The following PPP2R5E variants were observed in gnomAD, a reference collection of about 807,000 sequenced individuals.
The protein encoded by PPP2R5E is serine/threonine-protein phosphatase 2A 56 kDa regulatory subunit epsilon isoform.
In PPP2R5E, 4 loss-of-function variants were observed where a neutral mutation model predicts 65.3. That is an observed-to-expected ratio of 0.06 (90% CI 0.03 to 0.14). PPP2R5E has a LOEUF of 0.14. Among genes scored for constraint, PPP2R5E ranks in the 10% least tolerant of loss-of-function variants. The pLI, the probability that PPP2R5E is intolerant of heterozygous loss-of-function variation, is 1.00. For synonymous variants in PPP2R5E, 183 were observed against 187.4 expected, an observed-to-expected ratio of 0.98 and a Z score of 0.19; for missense variants, 274 against 556.1, an observed-to-expected ratio of 0.49 and a Z score of 5.10.
At chr14:63,496,646 GTTTAA>G (rs1438702537) in intron 2 of PPP2R5E, among the ~76,000 whole-genome samples, 31 of 152,032 alleles carry the variant, frequency 2.0e-4, no homozygotes, top group Non-Finnish European at 3.7e-4. Flanking sequence ...GTAATTTATA[GTTTAA>G]TTTAGCAGAA....
intron 2 of PPP2R5E, among the ~76,000 whole-genome samples, chr14:63,459,091 C>T (rs1246725766): frequency 6.6e-6 from 1 of 152,164 alleles, no homozygotes; most frequent in Non-Finnish European, 1.5e-5. Flanking sequence ...ATTTTACTTG[C>T]ATAAGACATA....
intron 5 of PPP2R5E, among the ~76,000 whole-genome samples, chr14:63,404,648 T>G (rs17824943): frequency 0.013 from 2,001 of 152,268 alleles, 68 homozygotes; most frequent in East Asian, 0.12. Flanking sequence ...ACTCCAAGAC[T>G]CCTATGGAAA....
At chr14:63,438,357 T>C (rs1348015333) in intron 3 of PPP2R5E, among the ~76,000 whole-genome samples, 4 of 152,228 alleles carry the variant, frequency 2.6e-5, no homozygotes, top group Admixed American at 6.5e-5. Context: ...GCTGGGATTA[T>C]CCAAGACCCA....
intron 5 of PPP2R5E, among the ~76,000 whole-genome samples, chr14:63,406,462 T>A (rs931617960): frequency 6.6e-6 from 1 of 151,812 alleles, no homozygotes; most frequent in Non-Finnish European, 1.5e-5. Context: ...TGTCTGGCTC[T>A]ACCAAAATAT....
intron 5 of PPP2R5E, among the ~76,000 whole-genome samples, chr14:63,403,956 G>GA (rs753082842): frequency 2.6e-5 from 4 of 152,126 alleles, no homozygotes; most frequent in Non-Finnish European, 4.4e-5. Context: ...CTTACAGTAG[G>GA]AAGTCAATAG....
chr14:63,460,023 C>T (rs567755111), intron 2 of PPP2R5E, among the ~76,000 whole-genome samples: 2 of 152,216 alleles, frequency 1.3e-5, no homozygotes, highest in South Asian at 4.1e-4. Context: ...TTAGCATACA[C>T]GTTTTTTAAA....
chr14:63,449,450 T>C (rs1256085412), intron 3 of PPP2R5E, among the ~76,000 whole-genome samples: 1 of 152,174 alleles, frequency 6.6e-6, no homozygotes, highest in Non-Finnish European at 1.5e-5. Flanking sequence ...ATAAATATTG[T>C]CGCTAGTCCT....
intron 13 of PPP2R5E, among the ~76,000 whole-genome samples, chr14:63,376,989 CG>C (rs1315477225): frequency 6.6e-6 from 1 of 151,782 alleles, no homozygotes; most frequent in African/African-American, 2.4e-5. Flanking sequence ...AAAAATTAGC[CG>C]GGCATGGTGG....
At chr14:63,421,520 G>A (rs979916235) in intron 4 of PPP2R5E, among the ~76,000 whole-genome samples, 3 of 152,146 alleles carry the variant, frequency 2.0e-5, no homozygotes, top group Non-Finnish European at 2.9e-5. Flanking sequence ...CTTCCTTACA[G>A]TACTGTGAAC....
At chr14:63,470,073 C>A (rs1429809712) in intron 2 of PPP2R5E, among the ~76,000 whole-genome samples, 5 of 74,074 alleles carry the variant, frequency 6.8e-5, no homozygotes, top group South Asian at 6.6e-4. Context: ...TACCTCCCCA[C>A]ACCCCCCACT....
At chr14:63,392,101 T>G in intron 8 of PPP2R5E, 76 bp from the exon 9 acceptor site, 2 of 1,142,892 alleles carry the variant, frequency 1.7e-6, no homozygotes, top group Non-Finnish European at 2.5e-6. Context: ...CTATTAAAAC[T>G]TCCTAAAAGG....
chr14:63,375,749 ATTTT>A lies in PPP2R5E; in HGVS notation c.*256_*259del, dbSNP rs34338079. 1 of 244,362 alleles carries A rather than the reference ATTTT, an allele frequency of 4.1e-6. No homozygotes were observed. Among genetic ancestry groups the A allele is most frequent in the African/African-American group, 2.3e-5 (1 of 44,142 alleles). The allele number at this position is 244,362 out of a possible 1,614,324, so 15.1% of individuals were successfully genotyped here. On this transcript the variant is annotated 3_prime_UTR_variant, in exon 14 of 14. Transcript: ENST00000337537. ...TTCATCAACAGATCTTTGAAGACCG[ATTTT>A]TTTTTTTAAAAGAGGGTGAGAACAA...
In PPP2R5E at chr14:63,405,044, C is replaced by T. The variant is rs796989519; in HGVS notation, c.550-8328G>A. Among the ~76,000 whole-genome samples the T allele has an allele frequency of 3.3e-4, 50 of 152,282 alleles. 1 individual carries two copies. Among genetic ancestry groups the T allele is most frequent in the African/African-American group, 1.2e-3 (50 of 41,564 alleles). ...GCACAGGGCCCTTCTAAGCACAGGG[C>T]CCAGCACAACTGCACAAATTATACA... On this transcript the variant is annotated intron_variant, in intron 5 of 13. Coordinates refer to ENST00000337537, the MANE Select transcript of PPP2R5E (RefSeq NM_006246.5).
chr14:63,484,388 A>ACACACACACACACAC (rs1566736534), intron 2 of PPP2R5E, among the ~76,000 whole-genome samples: 1 of 124,522 alleles, frequency 8.0e-6, no homozygotes, highest in Admixed American at 7.8e-5. Flanking sequence ...CACACACACA[A>ACACACACACACACAC]AGAATCGTAT....
At chr14:63,422,747 A>C (rs948420808) in intron 3 of PPP2R5E, among the ~76,000 whole-genome samples, 2 of 137,982 alleles carry the variant, frequency 1.4e-5, no homozygotes, top group Non-Finnish European at 3.1e-5. Context: ...AAAAAAAAAA[A>C]AAAAAAAAAA....
At chr14:63,469,826 C>T (rs1566726725) in intron 2 of PPP2R5E, among the ~76,000 whole-genome samples, 1 of 152,168 alleles carries the variant, frequency 6.6e-6, no homozygotes, top group South Asian at 2.1e-4. Flanking sequence ...TTACAAAATT[C>T]CTGCCTAATA....
intron 13 of PPP2R5E, 133 bp downstream of exon 13, chr14:63,381,923 G>A (rs911094496): frequency 1.1e-5 from 7 of 623,964 alleles, no homozygotes; most frequent in Non-Finnish European, 1.7e-5. Flanking sequence ...TATACTGGTT[G>A]TTAAGTAATG....
rs201561330 is a variant in PPP2R5E, at chr14:63,376,032, G to A, written c.1381C>T (p.Arg461Cys). 23 of 1,601,774 alleles carry A rather than the reference G, an allele frequency of 1.4e-5. No homozygotes were observed. The highest frequency in any genetic ancestry group is 3.3e-4 in the Middle Eastern group (2 of 6,034). ...EDLELKRGLR[R>C]DGIIPT ...TGTTAAGTTGGAATTATTCCATCAC[G>A]TCTAAGACCTCTCTTTAACTCCAGA... The change falls in exon 14 of 14, where the codon CGT (arginine) becomes TGT (cysteine). Residue 461 changes from arginine to cysteine, a missense_variant. Physicochemically the swap from Arg to Cys is radical, Grantham distance 180. This residue lies in a region of PPP2R5E where 129 missense variants were observed against 254.9 expected (regional missense o/e 0.51). Coordinates refer to ENST00000337537, the MANE Select transcript of PPP2R5E (RefSeq NM_006246.5).
intron 2 of PPP2R5E, among the ~76,000 whole-genome samples, chr14:63,505,968 G>A (rs964338166): frequency 6.6e-6 from 1 of 152,078 alleles, no homozygotes; most frequent in Non-Finnish European, 1.5e-5. Context: ...GTCAGGCAAG[G>A]CTTTCAATAA....
Sources: allele counts gnomAD v4.1 joint callset (sites outside exome capture counted in the v4.1 genomes callset), GRCh38; gene constraint gnomAD v4.1.1; regional missense constraint gnomAD v4.1.1; transcripts MANE v1.5; gene names NCBI Gene and HGNC (gene_info 2026-07-23, HGNC 2026-07-21).